TTLL11: variants seen among roughly 807,000 people sequenced by gnomAD.
TTLL11 encodes tubulin tyrosine ligase like 11.
A neutral mutation model predicts 51.7 loss-of-function variants in TTLL11; 42 were observed. That is an observed-to-expected ratio of 0.81 (90% confidence interval 0.64 to 1.05). The LOEUF (loss-of-function observed/expected upper bound fraction) is 1.05. TTLL11 is among the 50% of genes least tolerant of loss of function. The pLI is 0.00. For synonymous variants in TTLL11, 381 were observed against 383.5 expected (o/e 0.99, Z 0.08); for missense variants, 799 against 940.4 (o/e 0.85, Z 1.97).
intron 6 of TTLL11, among the ~76,000 whole-genome samples, chr9:121,958,002 C>T (rs988211913): frequency 6.6e-6 from 1 of 152,192 alleles, no homozygotes; most frequent in Admixed American, 6.5e-5. Context: ...AGTCAGATAG[C>T]GTATGTCATG....
At chr9:122,087,022 T>C (rs916276726) in intron 1 of TTLL11, among the ~76,000 whole-genome samples, 9 of 152,212 alleles carry the variant, frequency 5.9e-5, no homozygotes, top group Non-Finnish European at 8.8e-5. Flanking sequence ...AGGTATATGA[T>C]TGAAAACTGG....
intron 6 of TTLL11, among the ~76,000 whole-genome samples, chr9:121,948,008 C>A (rs538551611): frequency 3.3e-5 from 5 of 152,304 alleles, no homozygotes; most frequent in African/African-American, 1.2e-4. Context: ...GTCTACTCTG[C>A]AACTAGGCAC....
intron 6 of TTLL11, among the ~76,000 whole-genome samples, chr9:121,902,692 C>T (rs1330765679): frequency 3.9e-5 from 6 of 152,020 alleles, no homozygotes; most frequent in Non-Finnish European, 8.8e-5. Context: ...GCAAGCCCTC[C>T]ATTTATGTGT....
intron 1 of TTLL11, among the ~76,000 whole-genome samples, chr9:122,073,183 G>C (rs143042841): frequency 6.6e-6 from 1 of 152,258 alleles, no homozygotes; most frequent in East Asian, 1.9e-4. Context: ...GCTGAGATAG[G>C]CGGATCACTT....
At chr9:121,838,067 C>T (rs1466060473) in intron 8 of TTLL11, among the ~76,000 whole-genome samples, 1 of 152,210 alleles carries the variant, frequency 6.6e-6, no homozygotes, top group East Asian at 1.9e-4. Context: ...GAATCCATGC[C>T]CTCCAAATCA....
intron 3 of TTLL11, among the ~76,000 whole-genome samples, chr9:121,997,084 C>A (rs776756286): frequency 6.6e-6 from 1 of 152,224 alleles, no homozygotes; most frequent in Non-Finnish European, 1.5e-5. Context: ...TCTCCACATG[C>A]TTTACCCCAA....
chr9:121,924,330 G>GT (rs1840642802), intron 6 of TTLL11, among the ~76,000 whole-genome samples: 1 of 152,190 alleles, frequency 6.6e-6, no homozygotes, highest in African/African-American at 2.4e-5. Context: ...TCCCATCTGA[G>GT]TGCCACATCC....
rs189968655 is a variant in TTLL11, at chr9:122,008,319, G to T, written c.694-18549C>A. On this transcript the variant is annotated intron_variant, in intron 3 of 8. Transcript: ENST00000321582. ...ACCTATGGAATGGGAGAAAATATTT[G>T]CAAACCAGACATCTGATAAAGGGTT... 1.5e-3 allele frequency among the ~76,000 whole-genome samples: 223 copies of T among 152,306 alleles called. 6 individuals are homozygous for T. In the South Asian group the frequency reaches 0.022, roughly 15 times the overall value.
At chr9:122,082,671 T>G (rs1478231555) in intron 1 of TTLL11, among the ~76,000 whole-genome samples, 1 of 152,068 alleles carries the variant, frequency 6.6e-6, no homozygotes, top group African/African-American at 2.4e-5. Flanking sequence ...GAGAAAGATG[T>G]ATATGAGGTA....
chr9:121,878,889 C>A (rs1230783704), intron 6 of TTLL11, among the ~76,000 whole-genome samples: 1 of 152,148 alleles, frequency 6.6e-6, no homozygotes, highest in Non-Finnish European at 1.5e-5. Context: ...CAGTCGCCTC[C>A]TCCTCCCTGG....
At chr9:121,922,164 C>T (rs1840567465) in intron 6 of TTLL11, among the ~76,000 whole-genome samples, 1 of 152,192 alleles carries the variant, frequency 6.6e-6, no homozygotes, top group Non-Finnish European at 1.5e-5. Flanking sequence ...ACAACTCTAT[C>T]TCTACCCAGA....
rs7850620 is a variant in TTLL11 at position 121,860,234 on chromosome 9, A to T, written c.1840+103T>A. The T allele has an allele frequency of 6.5e-3, 5,472 of 844,088 alleles. 190 individuals carry two copies. The African/African-American group carries it at 0.075, about 12-fold the overall frequency. The allele number at this position is 844,088 out of a possible 1,614,324, so 52.3% of individuals were successfully genotyped here. A position where few individuals can be genotyped will look rare whatever the true frequency, so the allele number is the denominator to read the frequency against. ...GATTATGTCTAGATCTGATGGCATC[A>T]TCTTCTTCCCCCATCTGAACCCTTG... is the stretch of plus-strand genomic sequence containing the variant. On this transcript the variant is annotated intron_variant, in intron 8 of 8. Coordinates refer to ENST00000321582, the MANE Select transcript of TTLL11 (RefSeq NM_001139442.2).
chr9:122,088,066 G>A (rs1227229158), intron 1 of TTLL11, among the ~76,000 whole-genome samples: 2 of 152,190 alleles, frequency 1.3e-5, no homozygotes, highest in Non-Finnish European at 2.9e-5. Context: ...GGGACTGAAG[G>A]AGAGTGGGCA....
At chr9:122,064,006 GGATTTCATAATGGATTAGAGA>G (rs1157061445) in intron 1 of TTLL11, among the ~76,000 whole-genome samples, 1 of 148,126 alleles carries the variant, frequency 6.8e-6, no homozygotes, top group Non-Finnish European at 1.5e-5. Context: ...ATATCAGCCT[GGATTTCATAATGGATTAGAGA>G]GACTCTTCAC....
intron 6 of TTLL11, among the ~76,000 whole-genome samples, chr9:121,958,119 C>A (rs373008062): frequency 6.6e-6 from 1 of 152,150 alleles, no homozygotes; most frequent in African/African-American, 2.4e-5. Flanking sequence ...GAACAGTATG[C>A]TCATTGTCTA....
At chr9:121,922,760 A>AGTGTGTGT (rs71370699) in intron 6 of TTLL11, among the ~76,000 whole-genome samples, 95,357 of 148,162 alleles carry the variant, frequency 0.64, 33,606 homozygotes, top group Non-Finnish European at 0.81. Flanking sequence ...ATATCTATTC[A>AGTGTGTGT]GTGTGTGTGT....
At chr9:121,964,324 G>A (rs1036219023) in intron 6 of TTLL11, among the ~76,000 whole-genome samples, 1 of 150,216 alleles carries the variant, frequency 6.7e-6, no homozygotes, top group Admixed American at 6.6e-5. Context: ...TGGAGACTGA[G>A]TCTCCCTCTG....
At chr9:121,912,407 G>A (rs563736502) in intron 6 of TTLL11, among the ~76,000 whole-genome samples, 1 of 126,968 alleles carries the variant, frequency 7.9e-6, no homozygotes, top group Admixed American at 9.3e-5. Context: ...GCAATACCAC[G>A]CTGCTTATGA....
intron 1 of TTLL11, among the ~76,000 whole-genome samples, chr9:122,072,379 C>T (rs1845752938): frequency 1.3e-5 from 2 of 151,980 alleles, no homozygotes; most frequent in Non-Finnish European, 1.5e-5. Flanking sequence ...TGCGGTGGCT[C>T]ACACCTGTAA....
Sources: gnomAD v4.1 joint callset for allele counts (sites outside exome capture counted in the v4.1 genomes callset) on GRCh38, gnomAD v4.1.1 for gene constraint, MANE v1.5 for transcripts, NCBI Gene and HGNC (gene_info 2026-07-23, HGNC 2026-07-21) for gene names.